PIWIL4: variants seen among roughly 807,000 people sequenced by gnomAD.
PIWIL4 encodes the protein piwi-like protein 4.
A neutral mutation model predicts 100.9 loss-of-function variants in PIWIL4; 50 were observed. The ratio of observed to expected loss-of-function variants is 0.50; its 90% CI spans 0.39 to 0.63. The LOEUF is 0.63. Ranked by LOEUF, PIWIL4 falls within the 20% of genes least tolerant of loss-of-function variation. The pLI, the probability that PIWIL4 is intolerant of heterozygous loss-of-function variation, is 0.00. For synonymous variants in PIWIL4, 342 were observed against 367.5 expected (o/e 0.93, Z 0.79); for missense variants, 887 against 1,043.3 (o/e 0.85, Z 2.06).
intron 1 of PIWIL4, among the ~76,000 whole-genome samples, chr11:94,568,418 G>T (rs1205664437): frequency 1.3e-5 from 2 of 152,120 alleles, no homozygotes; most frequent in African/African-American, 4.8e-5. Context: ...AGGTCCATGT[G>T]CATCTGTGCC....
At position 94,568,796 on chromosome 11, in the gene PIWIL4, A is replaced by T; in HGVS notation, c.154A>T (p.Ile52Phe). The change falls in exon 2 of 20, where the codon ATC becomes TTC. Residue 52 changes from isoleucine to phenylalanine, a missense_variant. Ile to Phe is a conservative substitution (Grantham distance 21). Around this residue, in one of 2 missense-constraint regions of PIWIL4, gnomAD observed 146 missense variants for 113.4 expected, o/e 1.29. Coordinates refer to ENST00000299001, the MANE Select transcript of PIWIL4 (RefSeq NM_152431.3). The part of the protein sequence containing the change: ...SSNGFLGTSR[I>F]STNDKYGISS... ...CAATGGCTTCTTGGGAACAAGCAGG[A>T]TCTCAACCAACGGTAAGTGCAGCTC... 6.2e-7 allele frequency: 1 copy of T among 1,601,108 alleles called. No homozygotes were observed.
chr11:94,601,835 G>A lies in PIWIL4; in HGVS notation c.1421G>A (p.Arg474Gln), dbSNP rs748942147. Residue 474 changes from arginine (R) to glutamine (Q), a missense_variant, in exon 12 of 20, where the codon CGA becomes CAA. Arg to Gln is a conservative substitution (Grantham distance 43). Coordinates refer to ENST00000299001, the MANE Select transcript of PIWIL4 (RefSeq NM_152431.3). ...GCTGCTGACTGGTCCAAGGATATTC[G>A]AACTTGCAAGATTTTAAATGCACAG... Reference protein sequence around the residue: ...VSAADWSKDIRTCKILNAQSL... With the variant: ...VSAADWSKDIQTCKILNAQSL... 1.4e-5 allele frequency: 22 copies of A among 1,613,780 alleles called. No individual in the cohort carries two copies. Among genetic ancestry groups the A allele is most frequent in the East Asian group, 4.5e-5 (2 of 44,890 alleles).
chr11:94,582,163 G>A (rs936846728), intron 4 of PIWIL4, among the ~76,000 whole-genome samples: 1 of 152,096 alleles, frequency 6.6e-6, no homozygotes, highest in Non-Finnish European at 1.5e-5. Flanking sequence ...TGTTGAAAAT[G>A]CAGTTCCTGA....
chr11:94,585,598 A>G, intron 6 of PIWIL4, 73 bp downstream of exon 6: 1 of 1,149,288 alleles, frequency 8.7e-7, no homozygotes, highest in Non-Finnish European at 1.3e-6. Context: ...ATGCAATATT[A>G]TACCATTATG....
In PIWIL4 at chr11:94,607,358, T is replaced by G. The variant is rs11020856; in HGVS notation, c.1639-81T>G. The G allele has an allele frequency of 4.6e-4, 582 of 1,252,846 alleles. 1 individual carries two copies. The African/African-American group carries it at 7.4e-3, about 16-fold the overall frequency. The allele number at this position is 1,252,846 out of a possible 1,614,324, so 77.6% of individuals were successfully genotyped here. Reference sequence around the variant, plus strand: ...GGGTAAAAGATGTTTGGAGAATAATTCATGAATTCATTTCTTTAAAAAGCA... The same window carrying G: ...GGGTAAAAGATGTTTGGAGAATAATGCATGAATTCATTTCTTTAAAAAGCA... On this transcript the variant is annotated intron_variant, in intron 13 of 19. Transcript: ENST00000299001.
intron 10 of PIWIL4, among the ~76,000 whole-genome samples, chr11:94,596,972 T>A (rs1948566818): frequency 6.6e-6 from 1 of 152,112 alleles, no homozygotes; most frequent in Non-Finnish European, 1.5e-5. Context: ...GGGGATCTCC[T>A]CCATGTCCCG....
At chr11:94,570,187 CT>C (rs2135231619) in intron 2 of PIWIL4, among the ~76,000 whole-genome samples, 1 of 152,308 alleles carries the variant, frequency 6.6e-6, no homozygotes, top group South Asian at 2.1e-4. Context: ...CAATCACACA[CT>C]GTGAGTTGGC....
At chr11:94,571,903 CA>C (rs1948159611) in intron 2 of PIWIL4, among the ~76,000 whole-genome samples, 1 of 152,236 alleles carries the variant, frequency 6.6e-6, no homozygotes, top group African/African-American at 2.4e-5. Context: ...GTCCCACCAA[CA>C]GTGTAAAAGT....
chr11:94,594,689 C>T lies in PIWIL4; in HGVS notation c.1151-620C>T, dbSNP rs116705602. 9.6e-3 allele frequency among the ~76,000 whole-genome samples: 1,458 copies of T among 152,024 alleles called. 26 individuals are homozygous for T. The highest frequency in any genetic ancestry group is 0.033 in the African/African-American group (1,386 of 41,502). ...CTGGGATTACAAGCAAGCACTGCCA[C>T]GCCTGGCTAGTTTTGTATTTTTAGT... On this transcript the variant is annotated intron_variant, in intron 9 of 19. Transcript: ENST00000299001.
At chr11:94,585,142 C>T (rs186654976) in intron 5 of PIWIL4, among the ~76,000 whole-genome samples, 7 of 152,216 alleles carry the variant, frequency 4.6e-5, no homozygotes, top group Admixed American at 4.6e-4. Flanking sequence ...TGGCTTATCT[C>T]ACCCCATCCA....
chr11:94,569,441 C>T (rs1304654284), intron 2 of PIWIL4, among the ~76,000 whole-genome samples: 2 of 152,000 alleles, frequency 1.3e-5, no homozygotes, highest in African/African-American at 2.4e-5. Flanking sequence ...TGCAATGGCG[C>T]AATCTCAGCT....
In PIWIL4 at chr11:94,615,386, C is replaced by G. The variant is rs115157983; in HGVS notation, c.1944-1107C>G. ...GAGGAGCAATGCAGGTAAAGTGAATCTCTTTGTGTTACCCTCTTTAATGCA... is the reference window on the plus strand; with the variant it reads ...GAGGAGCAATGCAGGTAAAGTGAATGTCTTTGTGTTACCCTCTTTAATGCA... On this transcript the variant is annotated intron_variant, in intron 15 of 19. Coordinates refer to ENST00000299001, the MANE Select transcript of PIWIL4 (RefSeq NM_152431.3). Among the ~76,000 whole-genome samples the G allele has an allele frequency of 2.0e-3, 308 of 152,280 alleles. 1 individual carries two copies. Among genetic ancestry groups the G allele is most frequent in the African/African-American group, 7.2e-3 (298 of 41,554 alleles).
At position 94,619,830 on chromosome 11, in the gene PIWIL4, G is replaced by A. The variant is rs1948887117; in HGVS notation, c.2239G>A (p.Val747Ile). 1 of 1,614,204 alleles carries A rather than the reference G, an allele frequency of 6.2e-7. No homozygotes were observed. Among genetic ancestry groups the A allele is most frequent in the Non-Finnish European group, 8.5e-7 (1 of 1,180,030 alleles). The change falls in exon 18 of 20, where the codon GTA becomes ATA. Residue 747 changes from valine (V) to isoleucine (I), a missense_variant. Physicochemically the swap from Val to Ile is conservative, Grantham distance 29. This residue lies in a region of PIWIL4 where 741 missense variants were observed against 930.0 expected (regional missense o/e 0.80). Transcript: ENST00000299001. Reference sequence around the variant, plus strand: ...ATTCTTTACCGAAATGAACCGCACTGTACAGAACCCCCCACTTGGCACTGT... The same window carrying A: ...ATTCTTTACCGAAATGAACCGCACTATACAGAACCCCCCACTTGGCACTGT... ...PRFFTEMNRT[V>I]QNPPLGTVVD...
chr11:94,584,076 G>T (rs994392489), intron 5 of PIWIL4, among the ~76,000 whole-genome samples: 6 of 152,152 alleles, frequency 3.9e-5, no homozygotes, highest in African/African-American at 1.4e-4. Context: ...ACTGGTCTAA[G>T]GATCACATAC....
At chr11:94,598,547 C>T (rs1948590055) in intron 11 of PIWIL4, among the ~76,000 whole-genome samples, 1 of 151,968 alleles carries the variant, frequency 6.6e-6, no homozygotes, top group African/African-American at 2.4e-5. Flanking sequence ...TATCTTTCTC[C>T]CCTCCCCCTC....
In PIWIL4 at chr11:94,577,466, T is replaced by C. The variant is rs767056016; in HGVS notation, c.487T>C (p.Phe163Leu). ...KAKAFDGAIL[F>L]LSQKLEEKVT... ...AAAAGCATTCGACGGTGCCATCCTT[T>C]TTCTGTCACAAAAGCTAGAAGAAAA... The change falls in exon 4 of 20, where the codon TTT (phenylalanine) becomes CTT (leucine). Residue 163 changes from phenylalanine (F) to leucine (L), a missense_variant. By Grantham distance (22) the Phe-to-Leu change is conservative (BLOSUM62 0). Coordinates refer to ENST00000299001, the MANE Select transcript of PIWIL4 (RefSeq NM_152431.3). The C allele has an allele frequency of 6.2e-7, 1 of 1,613,420 alleles. No homozygotes were observed. The highest frequency in any genetic ancestry group is 8.5e-7 in the Non-Finnish European group (1 of 1,179,630).
At chr11:94,577,252 A>G in intron 3 of PIWIL4, 26 bp from the exon 4 acceptor site, 10 of 1,536,486 alleles carry the variant, frequency 6.5e-6, no homozygotes, top group Non-Finnish European at 9.0e-6. Context: ...CTGATTAAAA[A>G]ATTGTTTTTT....
Position 94,597,812 on chromosome 11 carries a change from A to G in PIWIL4, c.1277A>G (p.Asn426Ser), listed in dbSNP as rs112072842. 5,243 of 1,611,662 alleles carry G rather than the reference A, an allele frequency of 3.3e-3. 11 individuals are homozygous for G. Among genetic ancestry groups the G allele is most frequent in the Non-Finnish European group, 4.0e-3 (4,768 of 1,177,862 alleles). ...RLVDNIQRNT[N>S]ARFELETWGL... is the part of the protein sequence containing the mutation. ...AACAACTTTATCAACAGGAATACCA[A>G]TGCTCGCTTTGAACTAGAGACCTGG... The change falls in exon 11 of 20, where the codon AAT becomes AGT. Residue 426 changes from asparagine to serine, a missense_variant. Transcript: ENST00000299001.
intron 15 of PIWIL4, among the ~76,000 whole-genome samples, chr11:94,614,300 C>CTTTTTTTTTTT (rs57731239): frequency 1.7e-5 from 2 of 120,144 alleles, no homozygotes; most frequent in Admixed American, 9.0e-5. Context: ...TTTTTCTTTT[C>CTTTTTTTTTTT]TTTTTTTTTT....
Sources: gnomAD v4.1 joint callset for allele counts (sites outside exome capture counted in the v4.1 genomes callset) on GRCh38, gnomAD v4.1.1 for gene constraint, gnomAD v4.1.1 regional missense constraint, MANE v1.5 for transcripts, NCBI Gene and HGNC (gene_info 2026-07-23, HGNC 2026-07-21) for gene names.